XPO1: variants seen among roughly 807,000 people sequenced by gnomAD.
The protein encoded by XPO1 is exportin-1.
In XPO1, 5 loss-of-function variants were observed where a neutral mutation model predicts 133.3. That is an observed-to-expected ratio of 0.04 (90% CI 0.02 to 0.08). The LOEUF is 0.08. Among genes scored for constraint, XPO1 ranks in the 10% least tolerant of loss-of-function variants. The pLI is 1.00. For missense variants in XPO1, 506 were observed against 1,267.5 expected (o/e 0.40, Z 9.12); for synonymous variants, 419 against 408.2 (o/e 1.03, Z -0.32).
chr2:61,518,006 T>C (rs1204656218), intron 4 of XPO1, among the ~76,000 whole-genome samples: 1 of 152,026 alleles, frequency 6.6e-6, no homozygotes. Context: ...GGTGTGCATC[T>C]GTAATCCCAG....
intron 4 of XPO1, among the ~76,000 whole-genome samples, chr2:61,505,833 C>T (rs968401489): frequency 1.3e-5 from 2 of 152,120 alleles, no homozygotes; most frequent in Non-Finnish European, 2.9e-5. Flanking sequence ...GCTGGGATTA[C>T]ATGAGCCACC....
intron 4 of XPO1, among the ~76,000 whole-genome samples, chr2:61,513,988 G>A (rs141188117): frequency 6.6e-6 from 1 of 151,654 alleles, no homozygotes; most frequent in South Asian, 2.1e-4. Flanking sequence ...ATAGAGACCA[G>A]CGTGGCTAAC....
chr2:61,491,028 G>A (rs1696955224), intron 16 of XPO1, among the ~76,000 whole-genome samples: 1 of 151,998 alleles, frequency 6.6e-6, no homozygotes, highest in Non-Finnish European at 1.5e-5. Flanking sequence ...GTGGTGGCAG[G>A]TGCCTATAAT....
chr2:61,514,300 A>G (rs1295664352), intron 4 of XPO1, among the ~76,000 whole-genome samples: 1 of 151,674 alleles, frequency 6.6e-6, no homozygotes, highest in Non-Finnish European at 1.5e-5. Context: ...ACTACTCCAC[A>G]TGGAAATTAA....
intron 9 of XPO1, 38 bp downstream of exon 9, chr2:61,498,635 C>G (rs761348772): frequency 2.5e-5 from 41 of 1,607,894 alleles, no homozygotes; most frequent in Non-Finnish European, 3.2e-5. Context: ...ATATATGTGG[C>G]TATCCGGTGA....
chr2:61,492,270 C>T lies in XPO1; in HGVS notation c.1723+55G>A. 1 of 1,582,708 alleles carries T rather than the reference C, an allele frequency of 6.3e-7. No homozygotes were observed. The highest frequency in any genetic ancestry group is 8.5e-7 in the Non-Finnish European group (1 of 1,170,238). On this transcript the variant is annotated intron_variant, in intron 15 of 24. Transcript: ENST00000401558. The surrounding 1 kb of genome is among the most constrained non-coding windows in gnomAD (Gnocchi z 5.6). ...GGGTCTCTAACAAGACAAAAACATT[C>T]ATTTATTTTCTTCAATAAAAATAAA...
intron 3 of XPO1, chr2:61,525,996 C>G (rs1433368406): frequency 9.4e-7 from 1 of 1,061,106 alleles, no homozygotes; most frequent in Non-Finnish European, 1.1e-6. Context: ...TGAGTGCTGT[C>G]CCATTAGAAG....
At chr2:61,510,151 C>T (rs1356962491) in intron 4 of XPO1, among the ~76,000 whole-genome samples, 1 of 152,092 alleles carries the variant, frequency 6.6e-6, no homozygotes, top group Non-Finnish European at 1.5e-5. Context: ...GTGGTGCACA[C>T]CTGTAGTACC....
At chr2:61,519,568 G>A (rs1294658795) in intron 4 of XPO1, among the ~76,000 whole-genome samples, 6 of 150,266 alleles carry the variant, frequency 4.0e-5, no homozygotes, top group South Asian at 2.1e-4. Context: ...GTGTGGTGGC[G>A]GGTGCCTGTA....
Position 61,482,973 on chromosome 2 carries a change from G to A in XPO1, c.2796C>T (p.Asp932=). 1 of 1,613,544 alleles carries A rather than the reference G, an allele frequency of 6.2e-7. No individual in the cohort carries two copies. The highest frequency in any genetic ancestry group is 8.5e-7 in the Non-Finnish European group (1 of 1,179,954). ...ILQHIFSVVT[D]TSHTAGLTMH... ...AATTCTTACCAGCAGTATGTGAAGT[G>A]TCTGTCACAACAGAAAAGATATGCT... Residue 932 remains aspartate, a synonymous_variant, in exon 22 of 25, where the codon GAC becomes GAT. Coordinates refer to ENST00000401558, the MANE Select transcript of XPO1 (RefSeq NM_003400.4).
At chr2:61,510,943 A>T (rs1698065879) in intron 4 of XPO1, among the ~76,000 whole-genome samples, 1 of 151,684 alleles carries the variant, frequency 6.6e-6, no homozygotes, top group African/African-American at 2.4e-5. Context: ...ATCTCAAAAA[A>T]AAAAAAAAAA....
chr2:61,493,272 A>G (rs1369879121), intron 12 of XPO1: 1 of 400,574 alleles, frequency 2.5e-6, no homozygotes, highest in East Asian at 3.8e-5. Context: ...ATGACACCCA[A>G]TCTCTAAAAC....
Position 61,482,798 on chromosome 2 carries a change from G to A in XPO1, c.2812+159C>T, listed in dbSNP as rs867663180. Reference sequence around the variant, plus strand: ...TTTATTGTATCTTTTATTTTTTTATGGTATTTTTAGTACAGACAGTTTCAC... The same window carrying A: ...TTTATTGTATCTTTTATTTTTTTATAGTATTTTTAGTACAGACAGTTTCAC... On this transcript the variant is annotated intron_variant, in intron 22 of 24. Transcript: ENST00000401558. The A allele has an allele frequency of 3.0e-4, 260 of 865,174 alleles. No homozygotes were observed. The Middle Eastern group carries it at 5.0e-3, about 16-fold the overall frequency. 53.6% of individuals were successfully genotyped at this position (865,174 alleles called of 1,614,324 possible).
chr2:61,479,156 TGGG>T (rs200500619), intron 24 of XPO1, among the ~76,000 whole-genome samples, 190 bp from the exon 25 acceptor site: 1 of 152,016 alleles, frequency 6.6e-6, no homozygotes, highest in Admixed American at 6.6e-5. Flanking sequence ...TGTTAACTGG[TGGG>T]GGGGAAGATT....
At chr2:61,520,281 T>C (rs1698626196) in intron 4 of XPO1, among the ~76,000 whole-genome samples, 1 of 152,216 alleles carries the variant, frequency 6.6e-6, no homozygotes, top group South Asian at 2.1e-4. Flanking sequence ...GGAAAATTAA[T>C]GTTCAGAAGT....
In XPO1 at chr2:61,507,302, G is replaced by A. The variant is rs187191765; in HGVS notation, c.302-4992C>T. Among the ~76,000 whole-genome samples, 14 of 150,472 alleles carry A rather than the reference G, an allele frequency of 9.3e-5. No homozygotes were observed. In the South Asian group the frequency reaches 1.9e-3, roughly 20 times the overall value. ...CAAAAATCAAAAACAAGTCACGCAC[G>A]ATGGCTCACACCTGTAATCCTGGAG... On this transcript the variant is annotated intron_variant, in intron 4 of 24. Transcript: ENST00000401558.
At chr2:61,494,239 C>T (rs1423056895) in intron 11 of XPO1, 148 bp from the exon 12 acceptor site, 1 of 699,516 alleles carries the variant, frequency 1.4e-6, no homozygotes, top group South Asian at 1.9e-5. Flanking sequence ...AGACAGCAAA[C>T]TCTGGAGTAA....
rs1224685461 is a variant in XPO1, at chr2:61,538,052, C to CA, written c.-498_-497insT. The CA allele has an allele frequency of 5.8e-5, 7 of 120,058 alleles. No homozygotes were observed. The highest frequency in any genetic ancestry group is 1.3e-4 in the Non-Finnish European group (7 of 55,078). 7.4% of individuals were successfully genotyped at this position (120,058 alleles called of 1,614,324 possible). A position where few individuals can be genotyped will look rare whatever the true frequency, so the allele number is the denominator to read the frequency against. ...CGGCTCCGGCGCTGGCCCCCCCCCC[C>CA]CCAAGGCTCGCCTAAACTTTCCCCC... On this transcript the variant is annotated 5_prime_UTR_variant, in exon 1 of 25. Transcript: ENST00000401558.
chr2:61,490,971 G>A (rs976927915), intron 16 of XPO1, among the ~76,000 whole-genome samples, 195 bp from the exon 17 acceptor site: 15 of 152,022 alleles, frequency 9.9e-5, no homozygotes, highest in African/African-American at 2.9e-4. Flanking sequence ...CCTGACCAAC[G>A]TGGTGAAACC....
Sources: gnomAD v4.1 joint callset for allele counts (sites outside exome capture counted in the v4.1 genomes callset) on GRCh38, gnomAD v4.1.1 for gene constraint, Gnocchi (gnomAD v3.1) non-coding constraint, MANE v1.5 for transcripts, NCBI Gene and HGNC (gene_info 2026-07-23, HGNC 2026-07-21) for gene names.